The following CCNH variants were observed in gnomAD, a reference collection of about 807,000 sequenced individuals.
The protein encoded by CCNH is cyclin H.
CCNH carries 31 observed loss-of-function variants against 41.9 expected under a neutral mutation model. The ratio of observed to expected loss-of-function variants is 0.74; its 90% CI spans 0.56 to 1.00. The LOEUF (loss-of-function observed/expected upper bound fraction) is 1.00. Ranked by LOEUF, CCNH falls within the 50% of genes least tolerant of loss-of-function variation. The pLI, the probability that CCNH is intolerant of heterozygous loss-of-function variation, is 0.00. For synonymous variants in CCNH, 138 were observed against 136.1 expected, an observed-to-expected ratio of 1.01 and a Z score of -0.10; for missense variants, 362 against 388.4, an observed-to-expected ratio of 0.93 and a Z score of 0.57.
intron 9 of CCNH, among the ~76,000 whole-genome samples, chr5:87,355,273 GCTGA>G (rs1759566219): frequency 6.6e-6 from 1 of 152,108 alleles, no homozygotes; most frequent in African/African-American, 2.4e-5. Context: ...CAAAGGTCAG[GCTGA>G]CTGACTCTTT....
At chr5:87,377,715 C>T (rs1761420508), upstream of CCNH, among the ~76,000 whole-genome samples, 1 of 152,106 alleles carries the variant, frequency 6.6e-6, no homozygotes, top group African/African-American at 2.4e-5. Context: ...CTGCTGGACA[C>T]AGTGCTTTTA....
chr5:87,353,415 G>A (rs766551806), intron 9 of CCNH, among the ~76,000 whole-genome samples: 12 of 151,926 alleles, frequency 7.9e-5, no homozygotes, highest in Non-Finnish European at 1.3e-4. Context: ...GTTGATTTTA[G>A]GTAATCAGGA....
At chr5:87,412,608 C>T in intron 1 of CCNH, 70 bp downstream of exon 1, 1 of 1,581,452 alleles carries the variant, frequency 6.3e-7, no homozygotes, top group Non-Finnish European at 8.6e-7. Flanking sequence ...GTCCTGGGAG[C>T]CAGAAGAGCT....
chr5:87,327,857 T>C (rs749974345), intron 9 of CCNH, among the ~76,000 whole-genome samples: 1 of 151,472 alleles, frequency 6.6e-6, no homozygotes, highest in Non-Finnish European at 1.5e-5. Flanking sequence ...CCCAGCTACT[T>C]GGGAGGCAGA....
At chr5:87,349,896 A>T (rs1409629381) in intron 9 of CCNH, among the ~76,000 whole-genome samples, 1 of 151,900 alleles carries the variant, frequency 6.6e-6, no homozygotes, top group Non-Finnish European at 1.5e-5. Flanking sequence ...GATTAGGAAA[A>T]TAAGTTAATA....
intron 9 of CCNH, chr5:87,353,369 A>G: frequency 1.3e-6 from 1 of 768,368 alleles, no homozygotes; most frequent in Admixed American, 2.3e-5. Flanking sequence ...ATTTTTTTAG[A>G]AAGTCAACTG....
rs566991753 is a variant in CCNH, at chr5:87,350,040, A to G, written c.*91-31143T>C. Among the ~76,000 whole-genome samples, 8 of 151,992 alleles carry G rather than the reference A, an allele frequency of 5.3e-5. No individual in the cohort carries two copies. The South Asian group carries it at 1.7e-3, about 31-fold the overall frequency. ...TCAGAGGCTGGCATAATCTTGTTCTAAAATGCTTATATTTGCCTAGTTTAA... is the reference window on the plus strand; with the variant it reads ...TCAGAGGCTGGCATAATCTTGTTCTGAAATGCTTATATTTGCCTAGTTTAA... On this transcript the variant is annotated intron_variant and NMD_transcript_variant, in intron 9 of 9. Coordinates refer to the CCNH transcript ENST00000645953.
chr5:87,395,714 A>C (rs1338571710), intron 7 of CCNH, among the ~76,000 whole-genome samples: 1 of 152,150 alleles, frequency 6.6e-6, no homozygotes, highest in African/African-American at 2.4e-5. Flanking sequence ...TCTACAAAAA[A>C]ATTAAAAAAT....
chr5:87,379,016 CAGTA>C (rs766955265), upstream of CCNH, among the ~76,000 whole-genome samples: 71 of 152,100 alleles, frequency 4.7e-4, 1 homozygote, highest in Non-Finnish European at 9.0e-4. Flanking sequence ...ACTATTAAGA[CAGTA>C]AGTGGAATCT....
chr5:87,352,988 C>T (rs1759385105), intron 9 of CCNH, among the ~76,000 whole-genome samples: 1 of 151,704 alleles, frequency 6.6e-6, no homozygotes, highest in Non-Finnish European at 1.5e-5. Context: ...ATTGTTTTTT[C>T]TAAAATAATA....
chr5:87,333,586 A>T (rs1209130862), intron 9 of CCNH, among the ~76,000 whole-genome samples: 1 of 152,202 alleles, frequency 6.6e-6, no homozygotes, highest in Non-Finnish European at 1.5e-5. Flanking sequence ...ACTGTCTCTC[A>T]CAAAGTAAGG....
intron 9 of CCNH, among the ~76,000 whole-genome samples, chr5:87,356,484 G>A (rs1759659965): frequency 1.3e-5 from 2 of 151,818 alleles, no homozygotes; most frequent in South Asian, 2.1e-4. Flanking sequence ...TGAGCTCCTG[G>A]GCTCAAGCAA....
downstream of CCNH, among the ~76,000 whole-genome samples, chr5:87,387,200 A>C (rs2112518148): frequency 6.6e-6 from 1 of 152,146 alleles, no homozygotes; most frequent in East Asian, 1.9e-4. Context: ...ATCACATCTG[A>C]CTGCCATGAC....
At chr5:87,399,067 A>G (rs185926367) in intron 7 of CCNH, among the ~76,000 whole-genome samples, 1 of 152,282 alleles carries the variant, frequency 6.6e-6, no homozygotes, top group East Asian at 1.9e-4. Flanking sequence ...AGATATCACA[A>G]CTTCAAAGAG....
downstream of CCNH, chr5:87,387,005 C>T (rs370346443): frequency 3.5e-5 from 40 of 1,129,316 alleles, no homozygotes; most frequent in South Asian, 2.4e-4. Context: ...CTATCCAAAA[C>T]TAAAAAGACA....
At chr5:87,412,256 C>T in intron 1 of CCNH, 2 of 251,832 alleles carry the variant, frequency 7.9e-6, no homozygotes, top group East Asian at 1.5e-4. Flanking sequence ...CGACCACAAA[C>T]ACGTCCACGC....
chr5:87,347,855 CT>C (rs1758972753), intron 9 of CCNH, among the ~76,000 whole-genome samples: 1 of 151,914 alleles, frequency 6.6e-6, no homozygotes, highest in Admixed American at 6.6e-5. Context: ...GGATATGTTT[CT>C]TTTTTGGAAC....
At chr5:87,357,233 T>C (rs1199690066) in intron 9 of CCNH, among the ~76,000 whole-genome samples, 2 of 152,048 alleles carry the variant, frequency 1.3e-5, no homozygotes, top group South Asian at 2.1e-4. Context: ...CACACACATA[T>C]ATAAATATAT....
chr5:87,325,474 C>T (rs1335743926), intron 9 of CCNH, among the ~76,000 whole-genome samples: 2 of 152,156 alleles, frequency 1.3e-5, no homozygotes, highest in Non-Finnish European at 2.9e-5. Flanking sequence ...AAGACACAAG[C>T]GTGTGTAACA....
Sources: gnomAD v4.1 joint callset for allele counts (sites outside exome capture counted in the v4.1 genomes callset) on GRCh38, gnomAD v4.1.1 for gene constraint, MANE v1.5 for transcripts, NCBI Gene and HGNC (gene_info 2026-07-23, HGNC 2026-07-21) for gene names.